Variants in ADAMTSL1 observed in about 807,000 individuals in gnomAD.
The protein encoded by ADAMTSL1 is ADAMTS-like protein 1.
ADAMTSL1 carries 126 observed loss-of-function variants against 201.8 expected under a neutral mutation model. The ratio of observed to expected loss-of-function variants is 0.62; its 90% CI spans 0.54 to 0.72. ADAMTSL1 has a LOEUF of 0.72. ADAMTSL1 is among the 30% of genes least tolerant of loss of function. The pLI is 0.00. For missense variants in ADAMTSL1, 2,679 were observed against 2,277.8 expected (o/e 1.18, Z -3.59); for synonymous variants, 1,121 against 903.4 (o/e 1.24, Z -4.32).
At chr9:18,623,300 C>T (rs920226679) in intron 5 of ADAMTSL1, among the ~76,000 whole-genome samples, 7 of 151,900 alleles carry the variant, frequency 4.6e-5, no homozygotes, top group Admixed American at 1.3e-4. Context: ...TTCACACAAT[C>T]GTCCCATGTA....
intron 2 of ADAMTSL1, among the ~76,000 whole-genome samples, chr9:18,522,281 G>T (rs562368659): frequency 5.7e-4 from 86 of 151,928 alleles, no homozygotes; most frequent in Non-Finnish European, 8.2e-4. Flanking sequence ...ACTTGTACCC[G>T]AGTCTAAAAT....
intron 2 of ADAMTSL1, among the ~76,000 whole-genome samples, chr9:18,261,106 G>A (rs1318585685): frequency 6.9e-6 from 1 of 145,910 alleles, no homozygotes; most frequent in Non-Finnish European, 1.5e-5. Flanking sequence ...AAGATAGAGA[G>A]ACCTGCTGTT....
At chr9:18,323,713 T>C (rs1834716560) in intron 2 of ADAMTSL1, among the ~76,000 whole-genome samples, 1 of 152,158 alleles carries the variant, frequency 6.6e-6, no homozygotes, top group Admixed American at 6.5e-5. Context: ...AATTAAAATT[T>C]AAAAATACTT....
At chr9:18,270,691 G>A (rs1008351653) in intron 2 of ADAMTSL1, among the ~76,000 whole-genome samples, 2 of 152,146 alleles carry the variant, frequency 1.3e-5, no homozygotes, top group Non-Finnish European at 2.9e-5. Flanking sequence ...GGTGTGGTAG[G>A]GGAAGCTAAC....
At chr9:18,291,735 TCTCTCTCTCTCTCACACACACA>T (rs1396731721) in intron 2 of ADAMTSL1, among the ~76,000 whole-genome samples, 33 of 123,218 alleles carry the variant, frequency 2.7e-4, no homozygotes, top group Admixed American at 6.4e-4. Context: ...TCTCTCTCTC[TCTCTCTCTCTCTCACACACACA>T]CACACACACA....
rs1371774958 is a variant in ADAMTSL1, at chr9:18,875,811, T to C, written c.4250-12020T>C. On this transcript the variant is annotated intron_variant, in intron 23 of 28. Coordinates refer to ENST00000380548, the MANE Select transcript of ADAMTSL1 (RefSeq NM_001040272.6). ...AAGTTTATTGTTTCTTTGTTGACTG[T>C]CTTGATGACCTGTCTAGTGCTTTCA... Among the ~76,000 whole-genome samples the C allele has an allele frequency of 2.6e-5, 4 of 152,196 alleles. No homozygotes were observed. The East Asian group carries it at 7.7e-4, about 29-fold the overall frequency.
intron 1 of ADAMTSL1, among the ~76,000 whole-genome samples, chr9:18,117,224 A>T (rs1458119869): frequency 6.6e-6 from 1 of 152,180 alleles, no homozygotes; most frequent in African/African-American, 2.4e-5. Context: ...GTAAAAATAC[A>T]ATTTGGCTAA....
intron 2 of ADAMTSL1, among the ~76,000 whole-genome samples, chr9:18,409,407 A>T (rs1433794806): frequency 6.6e-6 from 1 of 151,126 alleles, no homozygotes; most frequent in African/African-American, 2.4e-5. Context: ...AAAAAAAAGA[A>T]AAAGAAAAGA....
intron 2 of ADAMTSL1, among the ~76,000 whole-genome samples, chr9:18,224,158 G>A (rs1032025994): frequency 4.6e-5 from 7 of 152,082 alleles, no homozygotes; most frequent in African/African-American, 1.7e-4. Flanking sequence ...GTCCCTTTGT[G>A]CTGCTTTAAG....
intron 2 of ADAMTSL1, among the ~76,000 whole-genome samples, chr9:18,358,891 T>C (rs932177349): frequency 2.6e-5 from 4 of 152,198 alleles, no homozygotes; most frequent in Admixed American, 2.6e-4. Flanking sequence ...ATTAAGAATT[T>C]GCTTCCCAAT....
intron 1 of ADAMTSL1, among the ~76,000 whole-genome samples, chr9:17,973,446 G>C (rs576843593): frequency 0.066 from 7,850 of 118,624 alleles, 289 homozygotes; most frequent in Middle Eastern, 0.17. Context: ...TCTTGTTTTT[G>C]TCAGGTTTGT....
chr9:18,614,715 A>G lies in ADAMTSL1; in HGVS notation c.475-7528A>G, dbSNP rs538276474. Among the ~76,000 whole-genome samples the G allele has an allele frequency of 3.3e-5, 5 of 152,146 alleles. No individual in the cohort carries two copies. In the South Asian group the frequency reaches 8.3e-4, roughly 25 times the overall value. ...TAGATTGAGACCAAGCCTACCACCTATATGTATTCGTAATAGCACCATAAC... is the reference window on the plus strand; with the variant it reads ...TAGATTGAGACCAAGCCTACCACCTGTATGTATTCGTAATAGCACCATAAC... On this transcript the variant is annotated intron_variant, in intron 4 of 28. Coordinates refer to ENST00000380548, the MANE Select transcript of ADAMTSL1 (RefSeq NM_001040272.6).
At chr9:18,344,946 C>G (rs1020633042) in intron 2 of ADAMTSL1, among the ~76,000 whole-genome samples, 1 of 152,142 alleles carries the variant, frequency 6.6e-6, no homozygotes, top group Non-Finnish European at 1.5e-5. Context: ...TCGGGAGGCC[C>G]TCTTTTGACA....
chr9:18,557,841 T>G (rs1258084082), intron 3 of ADAMTSL1, among the ~76,000 whole-genome samples: 2 of 152,070 alleles, frequency 1.3e-5, no homozygotes, highest in Admixed American at 1.3e-4. Context: ...CTTTCTCACT[T>G]GTCTTTTTTT....
intron 1 of ADAMTSL1, among the ~76,000 whole-genome samples, chr9:18,043,233 G>A (rs971578471): frequency 2.6e-5 from 4 of 152,046 alleles, no homozygotes; most frequent in African/African-American, 7.2e-5. Flanking sequence ...TGGAGCTTCC[G>A]AAGGTGATTT....
At chr9:18,477,945 A>G (rs892609294) in intron 1 of ADAMTSL1, among the ~76,000 whole-genome samples, 1 of 152,212 alleles carries the variant, frequency 6.6e-6, no homozygotes, top group African/African-American at 2.4e-5. Flanking sequence ...TTACACCAGG[A>G]AAGTTTTTCC....
At chr9:18,606,007 A>T (rs1442972765) in intron 4 of ADAMTSL1, among the ~76,000 whole-genome samples, 2 of 152,106 alleles carry the variant, frequency 1.3e-5, no homozygotes, top group African/African-American at 2.4e-5. Context: ...GCGTGGTACA[A>T]ACCAAAAGTT....
chr9:18,413,189 C>A (rs1246799842), intron 2 of ADAMTSL1, among the ~76,000 whole-genome samples: 5 of 147,086 alleles, frequency 3.4e-5, no homozygotes, highest in Non-Finnish European at 5.9e-5. Flanking sequence ...GCTCTTATTG[C>A]CCAGTCTGAA....
intron 25 of ADAMTSL1, among the ~76,000 whole-genome samples, chr9:18,891,042 G>C (rs7030565): frequency 6.6e-6 from 1 of 151,840 alleles, no homozygotes; most frequent in South Asian, 2.1e-4. Context: ...GGAAATCTGC[G>C]TTCAGTCATC....
Sources: gnomAD v4.1 joint callset for allele counts (sites outside exome capture counted in the v4.1 genomes callset) on GRCh38, gnomAD v4.1.1 for gene constraint, MANE v1.5 for transcripts, NCBI Gene and HGNC (gene_info 2026-07-23, HGNC 2026-07-21) for gene names.